HCN1: variants seen among roughly 807,000 people sequenced by gnomAD.
The protein encoded by HCN1 is potassium/sodium hyperpolarization-activated cyclic nucleotide-gated channel 1.
HCN1 carries 13 observed loss-of-function variants against 78.9 expected under a neutral mutation model. The observed-to-expected ratio is 0.16, with a 90% confidence interval of 0.11 to 0.26. HCN1 has a LOEUF of 0.26. HCN1 is among the 10% of genes least tolerant of loss of function. The pLI, the probability that HCN1 is intolerant of heterozygous loss-of-function variation, is 1.00. For missense variants in HCN1, 810 were observed against 1,154.3 expected, an observed-to-expected ratio of 0.70 and a Z score of 4.32; for synonymous variants, 552 against 455.5, an observed-to-expected ratio of 1.21 and a Z score of -2.70.
At chr5:45,658,929 G>A (rs1359047704) in intron 1 of HCN1, among the ~76,000 whole-genome samples, 2 of 144,114 alleles carry the variant, frequency 1.4e-5, no homozygotes, top group Non-Finnish European at 3.1e-5. Context: ...CAGCCGGGAA[G>A]CTCGAACTGG....
chr5:45,481,376 A>G (rs1278261148), intron 2 of HCN1, among the ~76,000 whole-genome samples: 2 of 152,226 alleles, frequency 1.3e-5, no homozygotes, highest in Non-Finnish European at 2.9e-5. Flanking sequence ...ATCTCATTAT[A>G]TATGGCTCCT....
chr5:45,264,363 G>A (rs889970352), intron 7 of HCN1, among the ~76,000 whole-genome samples: 17 of 152,174 alleles, frequency 1.1e-4, no homozygotes, highest in Non-Finnish European at 1.5e-4. Flanking sequence ...GAAAGAAGGG[G>A]AAAGTAGTGA....
chr5:45,459,722 T>C (rs1741105886), intron 3 of HCN1, among the ~76,000 whole-genome samples: 1 of 152,132 alleles, frequency 6.6e-6, no homozygotes, highest in Non-Finnish European at 1.5e-5. Context: ...TTGGTATTTT[T>C]CTGAAAGATA....
At chr5:45,294,108 G>A (rs1745436517) in intron 6 of HCN1, among the ~76,000 whole-genome samples, 1 of 151,836 alleles carries the variant, frequency 6.6e-6, no homozygotes, top group Admixed American at 6.6e-5. Flanking sequence ...ATGCCTTCTA[G>A]AAAACCAGCA....
chr5:45,399,941 T>A (rs1327009769), intron 3 of HCN1, among the ~76,000 whole-genome samples: 1 of 152,158 alleles, frequency 6.6e-6, no homozygotes, highest in Non-Finnish European at 1.5e-5. Flanking sequence ...AAACTCTTAT[T>A]TTGGAGAATG....
intron 2 of HCN1, among the ~76,000 whole-genome samples, chr5:45,561,035 T>TA (rs1743589315): frequency 6.6e-6 from 1 of 152,142 alleles, no homozygotes; most frequent in African/African-American, 2.4e-5. Flanking sequence ...TGTTTCTACT[T>TA]AGAGTGCCTT....
At chr5:45,333,832 C>A (rs1746396839) in intron 5 of HCN1, among the ~76,000 whole-genome samples, 1 of 151,766 alleles carries the variant, frequency 6.6e-6, no homozygotes, top group African/African-American at 2.4e-5. Flanking sequence ...TACATTCCCA[C>A]CAAACGTGTA....
intron 3 of HCN1, among the ~76,000 whole-genome samples, chr5:45,409,558 CCTTAACA>C (rs1256281422): frequency 6.6e-6 from 1 of 151,880 alleles, no homozygotes. Context: ...TAGAATTTAC[CCTTAACA>C]CTTAACATGT....
At chr5:45,466,373 G>A (rs554254659) in intron 2 of HCN1, among the ~76,000 whole-genome samples, 16 of 152,114 alleles carry the variant, frequency 1.1e-4, no homozygotes, top group South Asian at 1.0e-3. Context: ...GCTTTTAGTC[G>A]TTGACTTTAC....
chr5:45,557,692 A>G (rs889286020), intron 2 of HCN1, among the ~76,000 whole-genome samples: 23 of 151,912 alleles, frequency 1.5e-4, no homozygotes, highest in African/African-American at 4.8e-4. Flanking sequence ...CTTTGTTACT[A>G]TATCTGTTAT....
chr5:45,589,440 G>A (rs890575819), intron 2 of HCN1, among the ~76,000 whole-genome samples: 1 of 152,220 alleles, frequency 6.6e-6, no homozygotes, highest in African/African-American at 2.4e-5. Context: ...TAGTGCAGGT[G>A]TAGCTTTTGG....
At chr5:45,657,307 T>C (rs1420593636) in intron 1 of HCN1, among the ~76,000 whole-genome samples, 2 of 152,232 alleles carry the variant, frequency 1.3e-5, no homozygotes, top group Non-Finnish European at 2.9e-5. Flanking sequence ...CATGTATGTA[T>C]GTTTCTGCAT....
At chr5:45,364,181 G>A (rs1747184827) in intron 4 of HCN1, among the ~76,000 whole-genome samples, 1 of 151,924 alleles carries the variant, frequency 6.6e-6, no homozygotes, top group African/African-American at 2.4e-5. Context: ...TTAATAGTTG[G>A]TATTTCCAAA....
chr5:45,346,427 C>A (rs200649756), intron 5 of HCN1, among the ~76,000 whole-genome samples: 1 of 151,960 alleles, frequency 6.6e-6, no homozygotes, highest in African/African-American at 2.4e-5. Context: ...CAGCTCCCAG[C>A]GTGAGTGACA....
At chr5:45,607,273 C>T (rs1248167047) in intron 2 of HCN1, among the ~76,000 whole-genome samples, 2 of 151,058 alleles carry the variant, frequency 1.3e-5, no homozygotes, top group Admixed American at 1.3e-4. Context: ...TTAAAAATAC[C>T]TTTTTTAAGA....
intron 1 of HCN1, among the ~76,000 whole-genome samples, chr5:45,676,043 T>C (rs1746259568): frequency 6.6e-6 from 1 of 151,774 alleles, no homozygotes; most frequent in South Asian, 2.1e-4. Context: ...TGTGCATGCA[T>C]CCCTGCTTCA....
intron 2 of HCN1, among the ~76,000 whole-genome samples, chr5:45,492,432 A>G (rs983287550): frequency 1.5e-5 from 2 of 136,010 alleles, no homozygotes; most frequent in Non-Finnish European, 3.1e-5. Flanking sequence ...TAAAATTTGA[A>G]GTAAAATCTT....
intron 2 of HCN1, among the ~76,000 whole-genome samples, chr5:45,512,604 AT>A (rs1431292372): frequency 2.0e-5 from 3 of 152,064 alleles, no homozygotes; most frequent in Non-Finnish European, 4.4e-5. Flanking sequence ...ATTTTTATTT[AT>A]TTATTTGTTG....
chr5:45,549,754 A>G (rs1471106138), intron 2 of HCN1, among the ~76,000 whole-genome samples: 1 of 152,188 alleles, frequency 6.6e-6, no homozygotes, highest in Non-Finnish European at 1.5e-5. Context: ...CTCATCTGAC[A>G]AAGGGCTAAT....
Sources: gnomAD v4.1 joint callset for allele counts (sites outside exome capture counted in the v4.1 genomes callset) on GRCh38, gnomAD v4.1.1 for gene constraint, MANE v1.5 for transcripts, NCBI Gene and HGNC (gene_info 2026-07-23, HGNC 2026-07-21) for gene names.